The following ZNF578 variants were observed in gnomAD, a reference collection of about 807,000 sequenced individuals.
ZNF578 encodes zinc finger protein 578, also known as Putative chemokine-related protein B42.
In ZNF578, 8 loss-of-function variants were observed where a neutral mutation model predicts 8.3. The observed-to-expected ratio is 0.96, with a 90% CI of 0.56 to 1.74. ZNF578 has a LOEUF of 1.74. ZNF578 is among the 40% of genes most tolerant of loss of function. The pLI, the probability that ZNF578 is intolerant of heterozygous loss-of-function variation, is 0.00. For synonymous variants in ZNF578, 206 were observed against 232.2 expected, an observed-to-expected ratio of 0.89 and a Z score of 1.03; for missense variants, 726 against 707.5, an observed-to-expected ratio of 1.03 and a Z score of -0.30.
chr19:52,469,799 G>T (rs112653964), intron 2 of ZNF578, among the ~76,000 whole-genome samples: 2,070 of 152,256 alleles, frequency 0.014, 44 homozygotes, highest in African/African-American at 0.047. Context: ...ATACCTCCCA[G>T]ATCTAGAATA....
intron 2 of ZNF578, chr19:52,458,420 G>T (rs1204267199): frequency 7.2e-6 from 1 of 139,158 alleles, no homozygotes; most frequent in Non-Finnish European, 1.5e-5. Flanking sequence ...TCAAGAACAT[G>T]TGAAATTTTG....
chr19:52,489,337 G>A (rs745344381), intron 2 of ZNF578, among the ~76,000 whole-genome samples: 2 of 152,016 alleles, frequency 1.3e-5, no homozygotes, highest in Non-Finnish European at 2.9e-5. Context: ...CACTTGTAAC[G>A]CCAGCACTTT....
intron 3 of ZNF578, among the ~76,000 whole-genome samples, chr19:52,493,324 C>G (rs2059373242): frequency 6.6e-6 from 1 of 152,136 alleles, no homozygotes; most frequent in African/African-American, 2.4e-5. Context: ...CCTCCTCGTG[C>G]CGGGCCCTGC....
intron 4 of ZNF578, among the ~76,000 whole-genome samples, chr19:52,502,673 G>A (rs1354517301): frequency 2.0e-5 from 3 of 152,150 alleles, no homozygotes; most frequent in Non-Finnish European, 4.4e-5. Context: ...GGAGGTGGAG[G>A]TTACCATACA....
At chr19:52,477,364 C>A (rs189133109) in intron 2 of ZNF578, among the ~76,000 whole-genome samples, 2 of 152,062 alleles carry the variant, frequency 1.3e-5, no homozygotes, top group Admixed American at 6.6e-5. Flanking sequence ...TTTGAGGGGC[C>A]TGGGTCCAGG....
At chr19:52,508,118 G>A (rs2059431705) in intron 5 of ZNF578, among the ~76,000 whole-genome samples, 1 of 152,042 alleles carries the variant, frequency 6.6e-6, no homozygotes, top group Non-Finnish European at 1.5e-5. Context: ...AGGCCGCGCA[G>A]TGCAGATCAC....
chr19:52,471,701 G>A lies in ZNF578; in HGVS notation c.-122+14743G>A, dbSNP rs561438911. Among the ~76,000 whole-genome samples the A allele has an allele frequency of 4.5e-4, 68 of 152,222 alleles. 1 individual carries two copies. Among genetic ancestry groups the A allele is most frequent in the African/African-American group, 1.6e-3 (66 of 41,542 alleles). ...TGCTTTCTCCATAAAGCCTCATTAT[G>A]TAATAAACATTTTCAGGCCATTTGA... On this transcript the variant is annotated intron_variant, in intron 2 of 5. Transcript: ENST00000421239.
At chr19:52,492,028 T>C (rs186585) in intron 3 of ZNF578, among the ~76,000 whole-genome samples, 81,712 of 150,468 alleles carry the variant, frequency 0.54, 22,122 homozygotes, top group Admixed American at 0.59. Flanking sequence ...GGCTTCGTGG[T>C]GGTCGCCTCA....
In ZNF578 at chr19:52,453,610, G is replaced by C. The variant is rs1599876910; in HGVS notation, c.-213+3G>C. On this transcript the variant is annotated splice_donor_region_variant and intron_variant, in intron 1 of 5. Coordinates refer to ENST00000421239, the MANE Select transcript of ZNF578 (RefSeq NM_001099694.2). The stretch of plus-strand genomic sequence containing the variant: ...GGGAGCCGGTCTTGGAGCAGCGGGT[G>C]AGTTTCCCTTTGTCTAGATTAGATC... 1 of 152,836 alleles carries C rather than the reference G, an allele frequency of 6.5e-6. No individual in the cohort carries two copies. The highest frequency in any genetic ancestry group is 2.4e-5 in the African/African-American group (1 of 41,584). The allele number at this position is 152,836 out of a possible 1,614,324, so 9.5% of individuals were successfully genotyped here.
At chr19:52,504,925 T>G in intron 5 of ZNF578, 144 bp downstream of exon 5, 5 of 1,479,314 alleles carry the variant, frequency 3.4e-6, no homozygotes, top group Middle Eastern at 5.0e-4. Flanking sequence ...ATCTTTGCTC[T>G]TGTTTCCCAG....
At chr19:52,489,724 T>C (rs1216000001) in intron 2 of ZNF578, among the ~76,000 whole-genome samples, 3 of 151,848 alleles carry the variant, frequency 2.0e-5, no homozygotes, top group Non-Finnish European at 4.4e-5. Flanking sequence ...GGTGCGATCT[T>C]GGCTCACTGC....
chr19:52,475,664 G>A (rs2059306240), intron 2 of ZNF578, among the ~76,000 whole-genome samples: 2 of 152,150 alleles, frequency 1.3e-5, no homozygotes, highest in African/African-American at 4.8e-5. Flanking sequence ...GCTGAGTGCA[G>A]CCAATTAATA....
At chr19:52,479,804 G>A (rs2059319776) in intron 2 of ZNF578, among the ~76,000 whole-genome samples, 1 of 152,154 alleles carries the variant, frequency 6.6e-6, no homozygotes, top group Non-Finnish European at 1.5e-5. Context: ...AAAGGAATTA[G>A]AAAATGTGAA....
In ZNF578 at chr19:52,512,743, C is replaced by T. The variant is rs2059454268; in HGVS notation, c.*589C>T. Among the ~76,000 whole-genome samples the T allele has an allele frequency of 6.6e-6, 1 of 152,224 alleles. No individual in the cohort carries two copies. On this transcript the variant is annotated 3_prime_UTR_variant, in exon 6 of 6. Transcript: ENST00000421239. ...ACTCCTTGCAGAACATCAGAAAATT[C>T]ATTTTTGAGATAACTGTTCCCAATG...
intron 2 of ZNF578, among the ~76,000 whole-genome samples, chr19:52,475,391 G>T (rs372274923): frequency 1.4e-5 from 2 of 141,658 alleles, no homozygotes; most frequent in Admixed American, 7.4e-5. Context: ...TTTCTCTGTC[G>T]CCCAGGCTGG....
At chr19:52,470,433 A>G (rs922875107) in intron 2 of ZNF578, among the ~76,000 whole-genome samples, 3 of 152,202 alleles carry the variant, frequency 2.0e-5, no homozygotes, top group African/African-American at 7.2e-5. Context: ...ATGGGTGCCA[A>G]GTTGATGAGG....
chr19:52,475,977 C>T (rs1292420841), intron 2 of ZNF578, among the ~76,000 whole-genome samples: 1 of 152,066 alleles, frequency 6.6e-6, no homozygotes, highest in Non-Finnish European at 1.5e-5. Flanking sequence ...AAAATGCTGA[C>T]ATAGTGTAGG....
intron 2 of ZNF578, among the ~76,000 whole-genome samples, chr19:52,477,310 C>A (rs765107717): frequency 2.6e-5 from 4 of 152,162 alleles, no homozygotes; most frequent in Admixed American, 6.5e-5. Context: ...CTGGGACCCA[C>A]CCCTGAAGTG....
chr19:52,490,613 A>G (rs1245054685), intron 2 of ZNF578, among the ~76,000 whole-genome samples: 1 of 152,112 alleles, frequency 6.6e-6, no homozygotes, highest in Admixed American at 6.6e-5. Flanking sequence ...ATTTTAAGAC[A>G]GGTATTCAGA....
Sources: gnomAD v4.1 joint callset for allele counts (sites outside exome capture counted in the v4.1 genomes callset) on GRCh38, gnomAD v4.1.1 for gene constraint, MANE v1.5 for transcripts, NCBI Gene and HGNC (gene_info 2026-07-23, HGNC 2026-07-21) for gene names.